Variants in AK8 observed in about 807,000 individuals in gnomAD.
AK8 encodes the protein adenylate kinase 8, also known as ATP-AMP transphosphorylase 8.
Under a neutral mutation model 54.6 loss-of-function variants are expected in AK8, and 44 were observed. That is an observed-to-expected ratio of 0.81 (90% CI 0.63 to 1.04). The LOEUF is 1.04. Among genes scored for constraint, AK8 ranks in the 50% least tolerant of loss-of-function variants. The pLI is 0.00. For missense variants in AK8, 555 were observed against 613.6 expected (o/e 0.90, Z 1.01); for synonymous variants, 239 against 245.6 (o/e 0.97, Z 0.25).
At chr9:132,768,665 A>G (rs572051234) in intron 11 of AK8, among the ~76,000 whole-genome samples, 3 of 152,352 alleles carry the variant, frequency 2.0e-5, no homozygotes, top group Non-Finnish European at 2.9e-5. Context: ...ATACAAATGC[A>G]TATGTGTGTG....
chr9:132,796,861 G>A (rs1029926349), intron 10 of AK8, among the ~76,000 whole-genome samples: 15 of 150,494 alleles, frequency 1.0e-4, no homozygotes, highest in African/African-American at 2.2e-4. Flanking sequence ...TCCATGAATC[G>A]GACTCAAGCC....
intron 4 of AK8, among the ~76,000 whole-genome samples, chr9:132,862,064 A>G (rs1020271109): frequency 3.3e-5 from 5 of 152,216 alleles, no homozygotes; most frequent in African/African-American, 1.2e-4. Context: ...TATCCTACAA[A>G]AAAGCCTTCC....
At chr9:132,769,448 C>T (rs1219688346) in intron 11 of AK8, 1 of 152,228 alleles carries the variant, frequency 6.6e-6, no homozygotes, top group African/African-American at 2.4e-5. Context: ...CCGGGAGGGA[C>T]CTTAGACTGT....
chr9:132,753,627 C>T (rs1838051808), intron 11 of AK8, among the ~76,000 whole-genome samples: 1 of 152,210 alleles, frequency 6.6e-6, no homozygotes. Context: ...AGCCAGTTTC[C>T]TTGCTGGAGG....
At chr9:132,766,262 C>T (rs182976576) in intron 11 of AK8, among the ~76,000 whole-genome samples, 1 of 152,264 alleles carries the variant, frequency 6.6e-6, no homozygotes, top group Admixed American at 6.5e-5. Context: ...CAAATGTGCT[C>T]CAACATGCCT....
intron 6 of AK8, 108 bp downstream of exon 6, chr9:132,828,537 G>A: frequency 1.1e-6 from 1 of 926,590 alleles, no homozygotes; most frequent in Non-Finnish European, 1.6e-6. Context: ...CTGGGTCTCA[G>A]ACGGTGCCTG....
In AK8 at chr9:132,839,639, G is replaced by A. The variant is rs147127129; in HGVS notation, c.403-10913C>T. Among the ~76,000 whole-genome samples, 72 of 152,276 alleles carry A rather than the reference G, an allele frequency of 4.7e-4. 1 individual carries two copies. The highest frequency in any genetic ancestry group is 3.1e-3 in the Admixed American group (48 of 15,290). ...CCTAGCTTTTGTTAGTCACAGTGTC[G>A]CTTTGACTCCGGCAGGGGCTCTGAG... is the stretch of plus-strand genomic sequence containing the variant. On this transcript the variant is annotated intron_variant, in intron 5 of 12. Transcript: ENST00000298545.
chr9:132,870,617 G>C (rs918638284), intron 2 of AK8, among the ~76,000 whole-genome samples: 1 of 152,212 alleles, frequency 6.6e-6, no homozygotes, highest in Admixed American at 6.5e-5. Context: ...TGGCGGCGAA[G>C]GGGCTGCCAG....
chr9:132,730,731 G>A (rs1417665019), intron 11 of AK8, among the ~76,000 whole-genome samples: 1 of 152,110 alleles, frequency 6.6e-6, no homozygotes, highest in Non-Finnish European at 1.5e-5. Flanking sequence ...TGTGAGCCCC[G>A]GAAATTAGAT....
At chr9:132,754,563 T>A (rs1838098645) in intron 11 of AK8, among the ~76,000 whole-genome samples, 1 of 151,768 alleles carries the variant, frequency 6.6e-6, no homozygotes, top group Admixed American at 6.6e-5. Flanking sequence ...TTGTAAAGAG[T>A]AAAACTTTCA....
intron 2 of AK8, among the ~76,000 whole-genome samples, chr9:132,871,088 A>G (rs1317267300): frequency 6.6e-6 from 1 of 152,188 alleles, no homozygotes; most frequent in African/African-American, 2.4e-5. Context: ...TCTACTAAAA[A>G]TACAAAAGTT....
intron 11 of AK8, among the ~76,000 whole-genome samples, chr9:132,780,424 G>C (rs189812819): frequency 6.6e-6 from 1 of 152,228 alleles, no homozygotes; most frequent in Non-Finnish European, 1.5e-5. Context: ...TGGCTTTCTG[G>C]AGGAAATGTC....
rs532165572 is a variant in AK8 at position 132,855,259 on chromosome 9, G to C, written c.334-334C>G. On this transcript the variant is annotated intron_variant, in intron 4 of 12. Coordinates refer to ENST00000298545, the MANE Select transcript of AK8 (RefSeq NM_152572.3). ...AGCCCTGCCGGATCCTCCCAGGCCA[G>C]GCTGGTGCTACTTCCCGTGCTCCAT... 7.4e-4 allele frequency among the ~76,000 whole-genome samples: 113 copies of C among 152,310 alleles called. 5 individuals carry two copies. The South Asian group carries it at 0.023, about 31-fold the overall frequency.
intron 11 of AK8, chr9:132,769,400 G>A (rs1838860183): frequency 6.6e-6 from 1 of 152,230 alleles, no homozygotes; most frequent in African/African-American, 2.4e-5. Flanking sequence ...GGGAAAGTGG[G>A]GGCCTCTCCC....
At chr9:132,757,298 T>C (rs141740330) in intron 11 of AK8, among the ~76,000 whole-genome samples, 1,744 of 152,208 alleles carry the variant, frequency 0.011, 37 homozygotes, top group African/African-American at 0.04. Context: ...CCCGTCACCC[T>C]CACTGCACCA....
intron 11 of AK8, among the ~76,000 whole-genome samples, chr9:132,732,300 G>A (rs926813631): frequency 6.6e-6 from 1 of 152,116 alleles, no homozygotes; most frequent in African/African-American, 2.4e-5. Flanking sequence ...ACCTTTCAGG[G>A]TTTTAACATT....
chr9:132,828,783 T>C (rs1841986515), intron 5 of AK8, 57 bp from the exon 6 acceptor site: 3 of 1,414,170 alleles, frequency 2.1e-6, no homozygotes, highest in African/African-American at 1.4e-5. Flanking sequence ...TTTTTTGGAA[T>C]TATTTTAAAA....
Position 132,826,763 on chromosome 9 carries a change from C to T in AK8, c.757+91G>A. 1 of 1,414,962 alleles carries T rather than the reference C, an allele frequency of 7.1e-7. No individual in the cohort carries two copies. The highest frequency in any genetic ancestry group is 9.9e-7 in the Non-Finnish European group (1 of 1,013,550). The allele number at this position is 1,414,962 out of a possible 1,614,324, so 87.7% of individuals were successfully genotyped here. ...TCCCAGGCATGTCCCAGACACTGGC[C>T]ACTACCAGAATAAGGGACAAAGTGG... is the stretch of plus-strand genomic sequence containing the variant. On this transcript the variant is annotated intron_variant, in intron 8 of 12. Coordinates refer to ENST00000298545, the MANE Select transcript of AK8 (RefSeq NM_152572.3). The surrounding 1 kb of genome is among the most constrained non-coding windows in gnomAD (Gnocchi z 4.5).
At chr9:132,727,859 C>T (rs1836648188) in intron 11 of AK8, among the ~76,000 whole-genome samples, 1 of 152,162 alleles carries the variant, frequency 6.6e-6, no homozygotes, top group Non-Finnish European at 1.5e-5. Flanking sequence ...TCAAACTGCC[C>T]AGTCCTATGC....
Sources: allele counts gnomAD v4.1 joint callset (sites outside exome capture counted in the v4.1 genomes callset), GRCh38; gene constraint gnomAD v4.1.1; non-coding constraint Gnocchi (gnomAD v3.1); transcripts MANE v1.5; gene names NCBI Gene and HGNC (gene_info 2026-07-23, HGNC 2026-07-21).